Variants in STXBP5L observed in about 807,000 individuals in gnomAD.
STXBP5L encodes the protein syntaxin-binding protein 5-like.
In STXBP5L, 65 loss-of-function variants were observed where a neutral mutation model predicts 144.5. That is an observed-to-expected ratio of 0.45 (90% confidence interval 0.37 to 0.55). The LOEUF is 0.55. Ranked by LOEUF, STXBP5L falls within the 20% of genes least tolerant of loss-of-function variation. The pLI, the probability that STXBP5L is intolerant of heterozygous loss-of-function variation, is 0.00. For synonymous variants in STXBP5L, 505 were observed against 469.6 expected, an observed-to-expected ratio of 1.08 and a Z score of -0.97; for missense variants, 1,298 against 1,405.5, an observed-to-expected ratio of 0.92 and a Z score of 1.22.
chr3:121,053,458 C>G (rs1367619069), intron 5 of STXBP5L, among the ~76,000 whole-genome samples: 1 of 152,176 alleles, frequency 6.6e-6, no homozygotes, highest in Non-Finnish European at 1.5e-5. Context: ...ACCATCTGAT[C>G]TTTGCCAAAC....
At chr3:121,230,640 A>G (rs569767076) in intron 11 of STXBP5L, among the ~76,000 whole-genome samples, 1 of 152,124 alleles carries the variant, frequency 6.6e-6, no homozygotes, top group Non-Finnish European at 1.5e-5. Flanking sequence ...ATGAATACTC[A>G]TCTATTTATA....
At chr3:121,206,671 G>A (rs1255010161) in intron 10 of STXBP5L, among the ~76,000 whole-genome samples, 1 of 152,028 alleles carries the variant, frequency 6.6e-6, no homozygotes, top group African/African-American at 2.4e-5. Context: ...AAAATTAGCT[G>A]GGCATGGTGG....
chr3:121,312,091 G>A (rs1280674084), intron 19 of STXBP5L, among the ~76,000 whole-genome samples: 1 of 152,168 alleles, frequency 6.6e-6, no homozygotes, highest in African/African-American at 2.4e-5. Context: ...AAGCAATGGG[G>A]AAAGGATTCC....
chr3:121,268,521 T>C (rs544741268), intron 18 of STXBP5L, among the ~76,000 whole-genome samples: 6 of 152,242 alleles, frequency 3.9e-5, no homozygotes, highest in Admixed American at 3.3e-4. Flanking sequence ...AACCTGCACA[T>C]TCTGTACATG....
Position 121,035,546 on chromosome 3 carries a change from C to T in STXBP5L, c.288-6154C>T, listed in dbSNP as rs116019932. Among the ~76,000 whole-genome samples, 549 of 150,146 alleles carry T rather than the reference C, an allele frequency of 3.7e-3. 5 individuals are homozygous for T. The highest frequency in any genetic ancestry group is 0.011 in the African/African-American group (449 of 40,768). On this transcript the variant is annotated intron_variant, in intron 3 of 26. Coordinates refer to ENST00000471454, the MANE Select transcript of STXBP5L (RefSeq NM_001308330.2). ...ATATGTGGCTTTATTTCTGGGTTCT[C>T]GATTCTGTTCTATTGAGATATGTGT...
chr3:121,250,596 A>T, intron 14 of STXBP5L, 127 bp from the exon 15 acceptor site: 2 of 718,330 alleles, frequency 2.8e-6, no homozygotes, highest in Non-Finnish European at 4.7e-6. Flanking sequence ...AGCATACATT[A>T]GTTTTCATTA....
At chr3:121,043,365 G>A (rs1300660603) in intron 4 of STXBP5L, among the ~76,000 whole-genome samples, 1 of 152,078 alleles carries the variant, frequency 6.6e-6, no homozygotes, top group Admixed American at 6.6e-5. Flanking sequence ...TATGCTTAGT[G>A]GTACCGTTCA....
intron 2 of STXBP5L, among the ~76,000 whole-genome samples, chr3:120,927,088 A>G (rs1346036610): frequency 6.6e-6 from 1 of 152,024 alleles, no homozygotes; most frequent in African/African-American, 2.4e-5. Context: ...GGTGCATGCC[A>G]CCACAACTGG....
intron 19 of STXBP5L, among the ~76,000 whole-genome samples, chr3:121,301,270 G>A (rs2051892277): frequency 6.6e-6 from 1 of 152,176 alleles, no homozygotes; most frequent in Non-Finnish European, 1.5e-5. Flanking sequence ...CACATCCCTT[G>A]TAAGTTGGAT....
rs372234006 is a variant in STXBP5L at position 121,350,323 on chromosome 3, G to C, written c.2177-28393G>C. Among the ~76,000 whole-genome samples the C allele has an allele frequency of 2.0e-3, 300 of 152,304 alleles. 1 individual carries two copies. Among genetic ancestry groups the C allele is most frequent in the Non-Finnish European group, 2.4e-3 (162 of 68,042 alleles). On this transcript the variant is annotated intron_variant, in intron 20 of 26. Transcript: ENST00000471454. ...CTGGCTTGTAGAGTTTGTGCTGAGA[G>C]ATCAGCTGTTAGTATGATGGGCTTC...
chr3:121,164,658 A>T (rs901916967), intron 9 of STXBP5L, among the ~76,000 whole-genome samples: 4 of 152,220 alleles, frequency 2.6e-5, no homozygotes, highest in African/African-American at 7.2e-5. Flanking sequence ...TGACTGATGC[A>T]TGGGTAAAGA....
At chr3:121,039,140 T>C (rs1946966667) in intron 3 of STXBP5L, among the ~76,000 whole-genome samples, 3 of 151,850 alleles carry the variant, frequency 2.0e-5, no homozygotes, top group African/African-American at 7.2e-5. Context: ...ACCATCTTGC[T>C]CTTTGTTTTC....
Position 121,371,421 on chromosome 3 carries a change from A to T in STXBP5L, c.2177-7295A>T, listed in dbSNP as rs117892026. On this transcript the variant is annotated intron_variant, in intron 20 of 26. Coordinates refer to ENST00000471454, the MANE Select transcript of STXBP5L (RefSeq NM_001308330.2). Reference sequence around the variant, plus strand: ...GAGTGTCCTGGCCACTGGTCACAGCATTCCAATGGGTAATGCCAACCATGG... The same window carrying T: ...GAGTGTCCTGGCCACTGGTCACAGCTTTCCAATGGGTAATGCCAACCATGG... Among the ~76,000 whole-genome samples, 114 of 152,366 alleles carry T rather than the reference A, an allele frequency of 7.5e-4. 1 individual carries two copies. The East Asian group carries it at 0.017, about 23-fold the overall frequency.
chr3:121,385,050 C>A (rs1255790010), intron 22 of STXBP5L, among the ~76,000 whole-genome samples: 1 of 151,860 alleles, frequency 6.6e-6, no homozygotes, highest in Non-Finnish European at 1.5e-5. Flanking sequence ...AAATATATAT[C>A]TCTCATAATC....
intron 20 of STXBP5L, among the ~76,000 whole-genome samples, chr3:121,322,150 G>A (rs1392627205): frequency 6.6e-6 from 1 of 152,138 alleles, no homozygotes; most frequent in Non-Finnish European, 1.5e-5. Context: ...TTAGGGTAAT[G>A]ACTTCCATCC....
intron 23 of STXBP5L, among the ~76,000 whole-genome samples, chr3:121,408,303 C>T (rs1033841766): frequency 1.3e-5 from 2 of 151,838 alleles, no homozygotes; most frequent in Admixed American, 6.6e-5. Context: ...TAAACGTATA[C>T]TATATAGAAG....
At chr3:121,352,045 C>G (rs934063005) in intron 20 of STXBP5L, among the ~76,000 whole-genome samples, 3 of 152,034 alleles carry the variant, frequency 2.0e-5, no homozygotes, top group Non-Finnish European at 4.4e-5. Flanking sequence ...TGGTCTATAT[C>G]TCTGTTTTGG....
Position 120,945,771 on chromosome 3 carries a change from A to T in STXBP5L, c.190-9169A>T, listed in dbSNP as rs573976503. ...GAGTTGGCATCAGTTCATTGGTGGAAACGCTATTACTGGGCAAGTGTTCTT... is the reference window on the plus strand; with the variant it reads ...GAGTTGGCATCAGTTCATTGGTGGATACGCTATTACTGGGCAAGTGTTCTT... On this transcript the variant is annotated intron_variant, in intron 2 of 26. Coordinates refer to ENST00000471454, the MANE Select transcript of STXBP5L (RefSeq NM_001308330.2). Among the ~76,000 whole-genome samples, 11 of 151,930 alleles carry T rather than the reference A, an allele frequency of 7.2e-5. No individual in the cohort carries two copies. In the East Asian group the frequency reaches 1.2e-3, roughly 16 times the overall value.
At chr3:120,912,319 T>C (rs1372489716) in intron 2 of STXBP5L, among the ~76,000 whole-genome samples, 1 of 152,032 alleles carries the variant, frequency 6.6e-6, no homozygotes, top group Non-Finnish European at 1.5e-5. Context: ...ACAGCAATGA[T>C]GCTCTTAAAA....
Sources: allele counts gnomAD v4.1 joint callset (sites outside exome capture counted in the v4.1 genomes callset), GRCh38; gene constraint gnomAD v4.1.1; transcripts MANE v1.5; gene names NCBI Gene and HGNC (gene_info 2026-07-23, HGNC 2026-07-21).